ZNF93: variants seen among roughly 807,000 people sequenced by gnomAD.
The protein encoded by ZNF93 is zinc finger protein 505.
In ZNF93, 29 loss-of-function variants were observed where a neutral mutation model predicts 45.0. That is an observed-to-expected ratio of 0.64 (90% CI 0.48 to 0.88). ZNF93 has a LOEUF of 0.88. Among genes scored for constraint, ZNF93 ranks in the 40% least tolerant of loss-of-function variants. The pLI is 0.00. For missense variants in ZNF93, 578 were observed against 724.0 expected (o/e 0.80, Z 2.31); for synonymous variants, 223 against 244.6 (o/e 0.91, Z 0.82).
In ZNF93 at chr19:19,933,560, T is replaced by G. The variant is rs143060646; in HGVS notation, c.605T>G (p.Ile202Ser). 2 of 1,604,878 alleles carry G rather than the reference T, an allele frequency of 1.2e-6. No homozygotes were observed. The highest frequency in any genetic ancestry group is 2.7e-5 in the African/African-American group (2 of 73,856). ...KKIHTGEKPY[I>S]CEECGKAFKY... Reference sequence around the variant, plus strand: ...ATTCATACTGGAGAGAAACCCTACATTTGTGAAGAATGTGGCAAAGCCTTT... The same window carrying G: ...ATTCATACTGGAGAGAAACCCTACAGTTGTGAAGAATGTGGCAAAGCCTTT... Residue 202 changes from isoleucine to serine, a missense_variant, in exon 4 of 4, where the codon ATT becomes AGT. Ile to Ser is a moderately radical substitution (Grantham distance 142). Coordinates refer to ENST00000343769, the MANE Select transcript of ZNF93 (RefSeq NM_031218.4).
intron 3 of ZNF93, chr19:19,927,353 A>G (rs965731611): frequency 2.5e-6 from 1 of 396,324 alleles, no homozygotes. Flanking sequence ...GTGAGACCCT[A>G]TCTCAAAAAA....
At position 19,921,889 on chromosome 19, in the gene ZNF93, CTT is replaced by C. The variant is rs1173790938; in HGVS notation, c.226+5236_226+5237del. The stretch of plus-strand genomic sequence containing the variant: ...TATAGCACACTGATGGGTCTTGACT[CTT>C]TATCCAATTTGCCAGTCTTTGTCTT... On this transcript the variant is annotated intron_variant, in intron 3 of 3. Transcript: ENST00000343769. 3.3e-5 allele frequency among the ~76,000 whole-genome samples: 5 copies of C among 152,250 alleles called. No homozygotes were observed. In the East Asian group the frequency reaches 5.8e-4, roughly 18 times the overall value.
At chr19:19,921,307 C>T (rs2063341942) in intron 3 of ZNF93, among the ~76,000 whole-genome samples, 1 of 152,082 alleles carries the variant, frequency 6.6e-6, no homozygotes, top group Admixed American at 6.6e-5. Flanking sequence ...GTCTGAGAGG[C>T]AGTTTGTTAT....
intron 1 of ZNF93, among the ~76,000 whole-genome samples, chr19:19,905,882 G>T (rs904019569): frequency 2.0e-5 from 3 of 152,042 alleles, no homozygotes; most frequent in South Asian, 4.2e-4. Flanking sequence ...ATGAGCCACC[G>T]CATCTGACCA....
Position 19,904,007 on chromosome 19 carries a change from C to T in ZNF93, c.3+2916C>T, listed in dbSNP as rs1031942673. ...CCTGCAGGCAGAGGTTGCAGTGAAC[C>T]GAGATTGCGCCGCTGCACTCCAGCC... On this transcript the variant is annotated intron_variant, in intron 1 of 3. Coordinates refer to ENST00000343769, the MANE Select transcript of ZNF93 (RefSeq NM_031218.4). Among the ~76,000 whole-genome samples, 6 of 149,010 alleles carry T rather than the reference C, an allele frequency of 4.0e-5. No homozygotes were observed. The East Asian group carries it at 1.2e-3, about 29-fold the overall frequency.
At chr19:19,912,720 A>T (rs1461547803) in intron 1 of ZNF93, among the ~76,000 whole-genome samples, 2 of 152,130 alleles carry the variant, frequency 1.3e-5, no homozygotes, top group African/African-American at 4.8e-5. Flanking sequence ...AAATTTGATG[A>T]CAGAGAAACA....
At position 19,923,952 on chromosome 19, in the gene ZNF93, G is replaced by A. The variant is rs533411889; in HGVS notation, c.226+7297G>A. ...CACCCCTTGTCCGACAATTCCCAGT[G>A]AGATGAACCCGGTACCTCAGTTGGA... On this transcript the variant is annotated intron_variant, in intron 3 of 3. Transcript: ENST00000343769. Among the ~76,000 whole-genome samples the A allele has an allele frequency of 1.5e-3, 234 of 152,296 alleles. 1 individual carries two copies. Among genetic ancestry groups the A allele is most frequent in the Middle Eastern group, 0.014 (4 of 294 alleles).
At chr19:19,932,077 C>T (rs530768507) in intron 3 of ZNF93, 8 of 297,078 alleles carry the variant, frequency 2.7e-5, no homozygotes, top group Admixed American at 5.0e-5. Flanking sequence ...AGATCGAGAC[C>T]ATCTGGCCAA....
intron 1 of ZNF93, among the ~76,000 whole-genome samples, chr19:19,906,610 T>G (rs1205178309): frequency 2.0e-5 from 3 of 152,184 alleles, no homozygotes; most frequent in Non-Finnish European, 4.4e-5. Flanking sequence ...CCGGTTTCTG[T>G]GTCTAGAATG....
rs1225843576 is a variant in ZNF93 at position 19,920,882 on chromosome 19, C to CA, written c.226+4233dup. ...GGTCTATCAATTTGGTTGATCTTTGCAAAAAACTAGCTCCTGGATTCATTG... is the reference window on the plus strand; with the variant it reads ...GGTCTATCAATTTGGTTGATCTTTGCAAAAAAACTAGCTCCTGGATTCATTG... On this transcript the variant is annotated intron_variant, in intron 3 of 3. Transcript: ENST00000343769. Among the ~76,000 whole-genome samples, 8 of 152,168 alleles carry CA rather than the reference C, an allele frequency of 5.3e-5. No individual in the cohort carries two copies. In the South Asian group the frequency reaches 1.5e-3, roughly 28 times the overall value.
chr19:19,929,295 C>T (rs528161015), intron 3 of ZNF93, among the ~76,000 whole-genome samples: 1 of 152,242 alleles, frequency 6.6e-6, no homozygotes, highest in South Asian at 2.1e-4. Context: ...GCCAAATAAA[C>T]AATTTTTCTT....
At chr19:19,924,699 T>A (rs1157423512) in intron 3 of ZNF93, among the ~76,000 whole-genome samples, 2 of 152,058 alleles carry the variant, frequency 1.3e-5, no homozygotes, top group Admixed American at 6.6e-5. Flanking sequence ...CAAGAGATTC[T>A]CCTGCCTCAG....
chr19:19,933,232 G>T lies in ZNF93; in HGVS notation c.277G>T (p.Asp93Tyr), dbSNP rs12151060. 267,259 of 1,600,422 alleles carry T rather than the reference G, an allele frequency of 0.17. 24,285 individuals carry two copies. The highest frequency in any genetic ancestry group is 0.41 in the East Asian group (18,188 of 44,684). ...QDLWPEQNIK[D>Y]SFQKVILRRY... ...TCTTTGGCCAGAGCAGAACATAAAA[G>T]ATTCTTTCCAAAAAGTGATACTGAG... The change falls in exon 4 of 4, where the codon GAT (aspartate) becomes TAT (tyrosine). Residue 93 changes from aspartate (D) to tyrosine (Y), a missense_variant. Physicochemically the swap from Asp to Tyr is radical, Grantham distance 160. Transcript: ENST00000343769.
intron 3 of ZNF93, among the ~76,000 whole-genome samples, chr19:19,928,955 G>T (rs141515632): frequency 1.2e-3 from 188 of 152,294 alleles, no homozygotes; most frequent in African/African-American, 4.3e-3. Context: ...AATATGGTTT[G>T]GATGTCTATG....
intron 1 of ZNF93, 83 bp downstream of exon 1, chr19:19,901,174 A>G (rs2063269341): frequency 1.3e-6 from 2 of 1,593,956 alleles, no homozygotes; most frequent in Non-Finnish European, 1.7e-6. Context: ...GGACTCAGGT[A>G]TCCCCTTAGT....
Position 19,913,034 on chromosome 19 carries a change from A to G in ZNF93, c.4-2246A>G, listed in dbSNP as rs138857795. 4.0e-3 allele frequency among the ~76,000 whole-genome samples: 613 copies of G among 152,344 alleles called. 1 individual carries two copies. Among genetic ancestry groups the G allele is most frequent in the Admixed American group, 7.1e-3 (108 of 15,304 alleles). On this transcript the variant is annotated intron_variant, in intron 1 of 3. Transcript: ENST00000343769. Reference sequence around the variant, plus strand: ...ATGGGCTGTCCTTATTTTTACTAGAAGTATTTGGTTATGGCAAGAGTGTTA... The same window carrying G: ...ATGGGCTGTCCTTATTTTTACTAGAGGTATTTGGTTATGGCAAGAGTGTTA...
intron 1 of ZNF93, among the ~76,000 whole-genome samples, chr19:19,905,111 AC>A (rs2063288864): frequency 6.6e-6 from 1 of 150,888 alleles, no homozygotes; most frequent in African/African-American, 2.4e-5. Context: ...CTGCATTCGC[AC>A]GGAAACAAAT....
At chr19:19,918,219 C>T (rs1401295300) in intron 3 of ZNF93, among the ~76,000 whole-genome samples, 3 of 151,596 alleles carry the variant, frequency 2.0e-5, no homozygotes, top group Admixed American at 6.6e-5. Flanking sequence ...TTTGTCCTTG[C>T]GATAGTTTGC....
At position 19,929,937 on chromosome 19, in the gene ZNF93, CAAAAAAAAAAAAAAA is replaced by C. The variant is rs71172547; in HGVS notation, c.227-3234_227-3220del. 5.9e-3 allele frequency among the ~76,000 whole-genome samples: 343 copies of C among 57,722 alleles called. 4 individuals are homozygous for C. The highest frequency in any genetic ancestry group is 0.03 in the Middle Eastern group (2 of 66). 37.9% of individuals were successfully genotyped at this position (57,722 alleles called of 152,430 possible). On this transcript the variant is annotated intron_variant, in intron 3 of 3. Transcript: ENST00000343769. ...TGGGCAACAGAGCGAGACTCCGTCT[CAAAAAAAAAAAAAAA>C]AAAAAAAAAAGAGATTGTAGAAATA... is the stretch of plus-strand genomic sequence containing the variant.
Sources: allele counts gnomAD v4.1 joint callset (sites outside exome capture counted in the v4.1 genomes callset), GRCh38; gene constraint gnomAD v4.1.1; transcripts MANE v1.5; gene names NCBI Gene and HGNC (gene_info 2026-07-23, HGNC 2026-07-21).